TMED3: variants seen among roughly 807,000 people sequenced by gnomAD.
The protein encoded by TMED3 is transmembrane p24 trafficking protein 3, also known as transmembrane emp24 domain-containing protein 3.
Under a neutral mutation model 15.0 loss-of-function variants are expected in TMED3, and 9 were observed. That is an observed-to-expected ratio of 0.60 (90% CI 0.36 to 1.04). TMED3 has a LOEUF of 1.04. TMED3 is among the 50% of genes least tolerant of loss of function. The pLI, the probability that TMED3 is intolerant of heterozygous loss-of-function variation, is 0.01. For synonymous variants in TMED3, 117 were observed against 121.4 expected, an observed-to-expected ratio of 0.96 and a Z score of 0.24; for missense variants, 267 against 278.9, an observed-to-expected ratio of 0.96 and a Z score of 0.30.
chr15:79,321,904 C>T (rs2058768548), intron 2 of TMED3, 74 bp from the exon 3 acceptor site: 1 of 1,542,720 alleles, frequency 6.5e-7, no homozygotes. Flanking sequence ...ATGTTGACAA[C>T]AGCATTTGCT....
intron 2 of TMED3, among the ~76,000 whole-genome samples, chr15:79,315,562 A>G (rs2058737117): frequency 6.6e-6 from 1 of 152,222 alleles, no homozygotes; most frequent in Admixed American, 6.5e-5. Flanking sequence ...CCAGTAGAAA[A>G]CAAATTGGTA....
chr15:79,392,863 A>T (rs1316146734), intron 2 of TMED3, among the ~76,000 whole-genome samples: 1 of 152,194 alleles, frequency 6.6e-6, no homozygotes, highest in African/African-American at 2.4e-5. Context: ...AGTGACACAA[A>T]GCTAAAGGCT....
intron 2 of TMED3, among the ~76,000 whole-genome samples, chr15:79,338,906 A>G (rs907357594): frequency 2.0e-5 from 3 of 151,992 alleles, no homozygotes; most frequent in Non-Finnish European, 2.9e-5. Flanking sequence ...CAGACCGGGA[A>G]AGGGAGTCTC....
At chr15:79,369,092 TTA>T (rs199893261) in intron 2 of TMED3, among the ~76,000 whole-genome samples, 4,842 of 143,824 alleles carry the variant, frequency 0.034, 244 homozygotes, top group African/African-American at 0.12. Flanking sequence ...AGACTCTGTC[TTA>T]AAAAAAAAAA....
chr15:79,408,451 ATCTGCAAGGAAGTGATAT>A (rs1893930575), intron 2 of TMED3, among the ~76,000 whole-genome samples: 1 of 152,254 alleles, frequency 6.6e-6, no homozygotes, highest in African/African-American at 2.4e-5. Flanking sequence ...GCCATAGGGC[ATCTGCAAGGAAGTGATAT>A]TTAAAGCTGT....
downstream of TMED3, among the ~76,000 whole-genome samples, chr15:79,325,745 C>T (rs1171215889): frequency 6.6e-6 from 1 of 152,094 alleles, no homozygotes; most frequent in Non-Finnish European, 1.5e-5. Flanking sequence ...CCAAGAGCCC[C>T]CAGCAGACCA....
intron 2 of TMED3, among the ~76,000 whole-genome samples, chr15:79,356,041 G>T (rs1205347224): frequency 6.6e-6 from 1 of 152,062 alleles, no homozygotes; most frequent in African/African-American, 2.4e-5. Flanking sequence ...GTCCTCATTA[G>T]TTGGGGGAAC....
chr15:79,327,540 C>T (rs938502457), downstream of TMED3, among the ~76,000 whole-genome samples: 4 of 152,222 alleles, frequency 2.6e-5, no homozygotes, highest in African/African-American at 9.7e-5. Context: ...GCACAGAGAC[C>T]TGTGTATTCA....
rs771632506 is a variant in TMED3, at chr15:79,322,640, C to T, written c.*426C>T. ...AGAAGAAAGGGGCTCTAAGTTCTGG[C>T]TCTTCTTTCTTTGGGGTTCTCTGTA... On this transcript the variant is annotated 3_prime_UTR_variant, in exon 3 of 3. Coordinates refer to ENST00000299705, the MANE Select transcript of TMED3 (RefSeq NM_007364.4). 5 of 991,556 alleles carry T rather than the reference C, an allele frequency of 5.0e-6. No individual in the cohort carries two copies. The highest frequency in any genetic ancestry group is 6.0e-6 in the Non-Finnish European group (5 of 834,328). The allele number at this position is 991,556 out of a possible 1,614,324, so 61.4% of individuals were successfully genotyped here.
Position 79,411,315 on chromosome 15 carries a change from G to A in TMED3, c.418-85G>A, listed in dbSNP as rs1004923496. The A allele has an allele frequency of 3.1e-5, 21 of 673,144 alleles. No individual in the cohort carries two copies. In the African/African-American group the frequency reaches 3.4e-4, roughly 11 times the overall value. The allele number at this position is 673,144 out of a possible 1,614,324, so 41.7% of individuals were successfully genotyped here. On this transcript the variant is annotated intron_variant, in intron 2 of 2. Coordinates refer to the TMED3 transcript ENST00000424155. The stretch of plus-strand genomic sequence containing the variant: ...GGGCTAGGCAATCAACAGAACTAGA[G>A]AATGCAAATGGAGGGCTTTATCCTG...
At chr15:79,389,324 C>T (rs1299266489) in intron 2 of TMED3, among the ~76,000 whole-genome samples, 1 of 151,948 alleles carries the variant, frequency 6.6e-6, no homozygotes, top group Non-Finnish European at 1.5e-5. Flanking sequence ...CCAATTATTC[C>T]AGCACCATTT....
At chr15:79,330,215 GAAAT>G (rs1002273314) in intron 2 of TMED3, among the ~76,000 whole-genome samples, 2 of 152,146 alleles carry the variant, frequency 1.3e-5, no homozygotes, top group African/African-American at 4.8e-5. Context: ...GTAAGATAAA[GAAAT>G]AAAGGTCATT....
intron 2 of TMED3, among the ~76,000 whole-genome samples, chr15:79,398,576 C>T (rs534582369): frequency 2.5e-4 from 28 of 113,944 alleles, no homozygotes; most frequent in Admixed American, 1.1e-3. Flanking sequence ...AGAAGAAGAT[C>T]GATGTCCCAG....
At chr15:79,410,724 G>A (rs568122199) in intron 2 of TMED3, among the ~76,000 whole-genome samples, 2 of 145,836 alleles carry the variant, frequency 1.4e-5, no homozygotes, top group South Asian at 2.2e-4. Context: ...ATACATTCTC[G>A]TAGATGCATG....
exon 3 of TMED3, chr15:79,413,220 T>C (rs890207561): frequency 6.6e-6 from 1 of 152,220 alleles, no homozygotes; most frequent in African/African-American, 2.4e-5. Flanking sequence ...AACCCGCACA[T>C]GTACCCCTAA....
chr15:79,402,224 ACC>A (rs1383632421), intron 2 of TMED3, among the ~76,000 whole-genome samples: 1 of 152,184 alleles, frequency 6.6e-6, no homozygotes, highest in Non-Finnish European at 1.5e-5. Context: ...ATAGATGTCC[ACC>A]CATATACCAA....
intron 2 of TMED3, among the ~76,000 whole-genome samples, chr15:79,368,938 A>G (rs191078311): frequency 1.4e-4 from 21 of 151,624 alleles, no homozygotes; most frequent in Non-Finnish European, 2.7e-4. Context: ...AAACACACGC[A>G]AAAAAAATTA....
chr15:79,314,008 G>T lies in TMED3; in HGVS notation c.417+3G>T. The T allele has an allele frequency of 1.2e-6, 2 of 1,614,128 alleles. No homozygotes were observed. Among genetic ancestry groups the T allele is most frequent in the South Asian group, 2.2e-5 (2 of 91,056 alleles). ...ACAGGGTCACAGCTCTCACCCAGGT[G>T]AGTGAACATTAGCAGTTCGGGGCTG... On this transcript the variant is annotated splice_donor_region_variant and intron_variant, in intron 2 of 2. Transcript: ENST00000299705.
intron 2 of TMED3, among the ~76,000 whole-genome samples, chr15:79,364,490 G>A (rs781066750): frequency 6.6e-6 from 1 of 151,832 alleles, no homozygotes; most frequent in Non-Finnish European, 1.5e-5. Context: ...CCCACCCCTC[G>A]AGCCTGGAGC....
Sources: allele counts gnomAD v4.1 joint callset (sites outside exome capture counted in the v4.1 genomes callset), GRCh38; gene constraint gnomAD v4.1.1; transcripts MANE v1.5; gene names NCBI Gene and HGNC (gene_info 2026-07-23, HGNC 2026-07-21).